The following PIGU variants were observed in gnomAD, a reference collection of about 807,000 sequenced individuals.
PIGU encodes phosphatidylinositol glycan anchor biosynthesis class U.
In PIGU, 24 loss-of-function variants were observed where a neutral mutation model predicts 49.9. The observed-to-expected ratio is 0.48, with a 90% CI of 0.35 to 0.68. The LOEUF (loss-of-function observed/expected upper bound fraction) is 0.68, where lower values mean the gene tolerates loss of function less well. Among genes scored for constraint, PIGU ranks in the 30% least tolerant of loss-of-function variants. The pLI is 0.01. For synonymous variants in PIGU, 220 were observed against 205.7 expected, an observed-to-expected ratio of 1.07 and a Z score of -0.59; for missense variants, 490 against 532.6, an observed-to-expected ratio of 0.92 and a Z score of 0.79.
At chr20:34,613,185 C>G (rs780970645) in intron 7 of PIGU, among the ~76,000 whole-genome samples, 31 of 152,120 alleles carry the variant, frequency 2.0e-4, no homozygotes, top group Non-Finnish European at 3.8e-4. Context: ...CCAGTTTACC[C>G]CTCTGACTTG....
At chr20:34,664,115 A>T (rs1008012866) in intron 1 of PIGU, among the ~76,000 whole-genome samples, 1 of 152,172 alleles carries the variant, frequency 6.6e-6, no homozygotes, top group Non-Finnish European at 1.5e-5. Context: ...TTGATAACTG[A>T]TCTGGGCAAA....
chr20:34,661,747 G>A (rs1986933699), intron 1 of PIGU, among the ~76,000 whole-genome samples: 3 of 152,094 alleles, frequency 2.0e-5, no homozygotes, highest in Admixed American at 2.0e-4. Flanking sequence ...TGGGATTGAT[G>A]GGTCGAATGG....
At position 34,560,976 on chromosome 20, in the gene PIGU, G is replaced by C; in HGVS notation, c.1198C>G (p.Leu400Val). 1 of 1,597,588 alleles carries C rather than the reference G, an allele frequency of 6.3e-7. No individual in the cohort carries two copies. The highest frequency in any genetic ancestry group is 8.6e-7 in the Non-Finnish European group (1 of 1,165,804). Residue 400 changes from leucine to valine, a missense_variant, in exon 12 of 12, where the codon CTG becomes GTG. Coordinates refer to ENST00000217446, the MANE Select transcript of PIGU (RefSeq NM_080476.5). ...GCATAGAAGTAATCAGAGATGAGCA[G>C]GATCTGGGGGGAGAGAGAGGGTGTG... ...ITLTFNVGQI[L>V]LISDYFYAFL...
At chr20:34,611,648 G>GAAAAAAAAAAAAAA (rs146531122) in intron 7 of PIGU, among the ~76,000 whole-genome samples, 16 of 64,964 alleles carry the variant, frequency 2.5e-4, no homozygotes, top group Non-Finnish European at 3.4e-4. Flanking sequence ...TCAAGTCTCA[G>GAAAAAAAAAAAAAA]AAAAAAAAAA....
At chr20:34,566,355 CCT>C (rs1982767855) in intron 11 of PIGU, among the ~76,000 whole-genome samples, 1 of 152,200 alleles carries the variant, frequency 6.6e-6, no homozygotes. Flanking sequence ...TGGTCTGTAC[CCT>C]CTCAGCGCTG....
At chr20:34,651,757 A>G (rs1184558818) in intron 2 of PIGU, among the ~76,000 whole-genome samples, 1 of 152,156 alleles carries the variant, frequency 6.6e-6, no homozygotes, top group Non-Finnish European at 1.5e-5. Context: ...TTTTAGTGAG[A>G]ACAAGTTAGC....
intron 7 of PIGU, among the ~76,000 whole-genome samples, chr20:34,609,371 T>A (rs968050810): frequency 6.6e-6 from 1 of 152,066 alleles, no homozygotes. Context: ...TTTTTGTTTT[T>A]TTTTTGTTTT....
intron 6 of PIGU, among the ~76,000 whole-genome samples, chr20:34,625,000 C>A (rs1985404920): frequency 6.6e-6 from 1 of 152,310 alleles, no homozygotes; most frequent in African/African-American, 2.4e-5. Context: ...AGTTTACTTC[C>A]ACTGCCCCTA....
rs528389938 is a variant in PIGU at position 34,627,403 on chromosome 20, G to A, written c.529+7212C>T. Among the ~76,000 whole-genome samples the A allele has an allele frequency of 3.9e-4, 59 of 151,620 alleles. 2 individuals are homozygous for A. In the South Asian group the frequency reaches 8.3e-3, roughly 21 times the overall value. On this transcript the variant is annotated intron_variant, in intron 6 of 11. Transcript: ENST00000217446. ...AACAAAATTATGTATATAACATTACGAAAATGTCTATGAATTCATTAAACA... is the reference window on the plus strand; with the variant it reads ...AACAAAATTATGTATATAACATTACAAAAATGTCTATGAATTCATTAAACA...
At chr20:34,593,310 C>G (rs1191011939) in intron 7 of PIGU, among the ~76,000 whole-genome samples, 1 of 148,378 alleles carries the variant, frequency 6.7e-6, no homozygotes. Context: ...TGCACTCTAG[C>G]CTGGGCAACA....
intron 10 of PIGU, among the ~76,000 whole-genome samples, chr20:34,579,671 G>T (rs970380640): frequency 1.3e-5 from 2 of 152,140 alleles, no homozygotes; most frequent in African/African-American, 4.8e-5. Flanking sequence ...TTCTCTGCAG[G>T]ATCTTCAGAC....
intron 11 of PIGU, among the ~76,000 whole-genome samples, chr20:34,572,863 C>T (rs959529923): frequency 5.9e-5 from 9 of 152,156 alleles, no homozygotes; most frequent in African/African-American, 2.2e-4. Context: ...ACAAAAAACC[C>T]TCTTTATGTA....
chr20:34,571,123 G>T (rs774216346), intron 11 of PIGU, among the ~76,000 whole-genome samples: 3 of 152,136 alleles, frequency 2.0e-5, no homozygotes, highest in Admixed American at 2.0e-4. Context: ...TTGAGGAAGT[G>T]GGGGAGGCCC....
At chr20:34,657,985 C>T (rs1600666259) in intron 1 of PIGU, among the ~76,000 whole-genome samples, 1 of 147,866 alleles carries the variant, frequency 6.8e-6, no homozygotes, top group East Asian at 2.0e-4. Flanking sequence ...GTCTCCCTCT[C>T]CCTCTCTTTC....
intron 1 of PIGU, among the ~76,000 whole-genome samples, chr20:34,674,067 C>A (rs778794710): frequency 1.8e-4 from 26 of 144,006 alleles, no homozygotes; most frequent in East Asian, 1.5e-3. Flanking sequence ...ACAACAACAA[C>A]AAAAAAAGCT....
At chr20:34,619,731 A>G (rs1259370090) in intron 6 of PIGU, among the ~76,000 whole-genome samples, 1 of 152,212 alleles carries the variant, frequency 6.6e-6, no homozygotes, top group African/African-American at 2.4e-5. Context: ...AGAGAGAAAA[A>G]GAGGCTCACA....
At chr20:34,610,885 C>A (rs535972362) in intron 7 of PIGU, among the ~76,000 whole-genome samples, 35 of 152,184 alleles carry the variant, frequency 2.3e-4, no homozygotes, top group African/African-American at 8.4e-4. Flanking sequence ...AGAACAGAGG[C>A]CTCAGAAATA....
At position 34,612,996 on chromosome 20, in the gene PIGU, T is replaced by C. The variant is rs563877186; in HGVS notation, c.627+3046A>G. The stretch of plus-strand genomic sequence containing the variant: ...CATATATTTATAAAAAATATACAAA[T>C]ATAGTAGGAAATGGAGTTTTAATTT... On this transcript the variant is annotated intron_variant, in intron 7 of 11. Coordinates refer to ENST00000217446, the MANE Select transcript of PIGU (RefSeq NM_080476.5). Among the ~76,000 whole-genome samples, 3 of 152,222 alleles carry C rather than the reference T, an allele frequency of 2.0e-5. No individual in the cohort carries two copies. In the East Asian group the frequency reaches 5.8e-4, roughly 29 times the overall value.
At chr20:34,676,373 G>C (rs1987497470) in intron 1 of PIGU, among the ~76,000 whole-genome samples, 1 of 152,136 alleles carries the variant, frequency 6.6e-6, no homozygotes, top group Non-Finnish European at 1.5e-5. Flanking sequence ...AGCTACTTCA[G>C]GCCAACTTCG....
Sources: allele counts gnomAD v4.1 joint callset (sites outside exome capture counted in the v4.1 genomes callset), GRCh38; gene constraint gnomAD v4.1.1; transcripts MANE v1.5; gene names NCBI Gene and HGNC (gene_info 2026-07-23, HGNC 2026-07-21).